The following EYS variants were observed in gnomAD, a reference collection of about 807,000 sequenced individuals.
EYS encodes protein eyes shut homolog.
In EYS, 250 loss-of-function variants were observed where a neutral mutation model predicts 282.1. The observed-to-expected ratio is 0.89, with a 90% CI of 0.80 to 0.98. EYS has a LOEUF of 0.98. EYS is among the 50% of genes least tolerant of loss of function. The probability of loss-of-function intolerance (pLI) is 0.00; values close to 1 mark genes in which losing one functional copy is unlikely to be tolerated. For synonymous variants in EYS, 1,355 were observed against 1,282.9 expected, an observed-to-expected ratio of 1.06 and a Z score of -1.20; for missense variants, 4,016 against 3,709.0, an observed-to-expected ratio of 1.08 and a Z score of -2.15.
At chr6:65,080,900 T>C (rs1774214789) in intron 12 of EYS, among the ~76,000 whole-genome samples, 2 of 152,220 alleles carry the variant, frequency 1.3e-5, no homozygotes, top group East Asian at 1.9e-4. Flanking sequence ...TTGAATTTGA[T>C]GAACAACCTG....
At chr6:65,450,915 G>T (rs374047199) in intron 5 of EYS, among the ~76,000 whole-genome samples, 1 of 151,638 alleles carries the variant, frequency 6.6e-6, no homozygotes, top group East Asian at 1.9e-4. Flanking sequence ...ACCCTTTTTT[G>T]GTATCACCCA....
intron 2 of EYS, among the ~76,000 whole-genome samples, chr6:65,568,828 T>C (rs1460835722): frequency 1.3e-5 from 2 of 152,150 alleles, no homozygotes; most frequent in Non-Finnish European, 2.9e-5. Flanking sequence ...AATGTACGTA[T>C]AAAAAACACT....
At chr6:64,547,286 C>A (rs888384403) in intron 26 of EYS, among the ~76,000 whole-genome samples, 2 of 152,120 alleles carry the variant, frequency 1.3e-5, no homozygotes, top group Non-Finnish European at 2.9e-5. Context: ...TCTGGCCCCA[C>A]CCACATCCTG....
chr6:64,456,981 T>C (rs927234017), intron 26 of EYS, among the ~76,000 whole-genome samples: 2 of 152,180 alleles, frequency 1.3e-5, no homozygotes, highest in African/African-American at 2.4e-5. Context: ...AATGTTATTA[T>C]GACCTTTTTT....
chr6:64,686,890 C>CGTGT (rs1770160050), intron 22 of EYS, among the ~76,000 whole-genome samples: 12 of 57,838 alleles, frequency 2.1e-4, no homozygotes, highest in East Asian at 9.2e-4. Context: ...TATACACACA[C>CGTGT]ATATATATGT....
At chr6:63,944,622 A>G (rs186268250) in intron 35 of EYS, among the ~76,000 whole-genome samples, 167 of 152,270 alleles carry the variant, frequency 1.1e-3, no homozygotes, top group Middle Eastern at 3.4e-3. Flanking sequence ...CAAGATTACA[A>G]TAATGACTTT....
At chr6:64,824,300 A>G (rs1050276327) in intron 19 of EYS, among the ~76,000 whole-genome samples, 1 of 151,934 alleles carries the variant, frequency 6.6e-6, no homozygotes, top group Non-Finnish European at 1.5e-5. Context: ...CTCCCACAGG[A>G]AAGGGCACAT....
At chr6:63,986,186 G>A (rs1478586949) in intron 34 of EYS, among the ~76,000 whole-genome samples, 1 of 151,704 alleles carries the variant, frequency 6.6e-6, no homozygotes, top group African/African-American at 2.4e-5. Context: ...CAATATCACT[G>A]ATCATTAGAG....
chr6:65,202,098 C>T (rs367623770), intron 12 of EYS, among the ~76,000 whole-genome samples: 15 of 151,054 alleles, frequency 9.9e-5, no homozygotes, highest in East Asian at 7.8e-4. Flanking sequence ...GGTGACAGAG[C>T]GAGACTCCAT....
At chr6:64,466,220 A>T in intron 26 of EYS, among the ~76,000 whole-genome samples, 1 of 152,262 alleles carries the variant, frequency 6.6e-6, no homozygotes, top group South Asian at 2.1e-4. Flanking sequence ...AAATAGCACT[A>T]TAATATAATC....
chr6:64,659,027 T>A (rs1768881961), intron 22 of EYS, among the ~76,000 whole-genome samples: 1 of 152,050 alleles, frequency 6.6e-6, no homozygotes, highest in Non-Finnish European at 1.5e-5. Context: ...ACAGAAATTA[T>A]AAACTGTCTT....
intron 39 of EYS, chr6:63,787,290 C>T (rs1770390506): frequency 6.6e-6 from 1 of 152,248 alleles, no homozygotes; most frequent in Admixed American, 6.5e-5. Context: ...TGTCCTTAAT[C>T]CTCTTGGCTT....
At chr6:65,474,951 G>A (rs1489202689) in intron 5 of EYS, among the ~76,000 whole-genome samples, 8 of 151,980 alleles carry the variant, frequency 5.3e-5, no homozygotes, top group Non-Finnish European at 8.8e-5. Context: ...TTGCATTTTG[G>A]CTGAGGATAA....
At chr6:64,296,548 A>ATATATG (rs1416391289) in intron 30 of EYS, among the ~76,000 whole-genome samples, 9 of 4,444 alleles carry the variant, frequency 2.0e-3, no homozygotes, top group Non-Finnish European at 3.0e-3. Flanking sequence ...CAGAATATAT[A>ATATATG]TATATATATA....
intron 29 of EYS, among the ~76,000 whole-genome samples, chr6:64,373,717 G>A (rs1476244339): frequency 6.6e-6 from 1 of 152,228 alleles, no homozygotes; most frequent in Non-Finnish European, 1.5e-5. Flanking sequence ...GGTGGGTAGA[G>A]CATCTGGGTT....
At chr6:64,959,755 T>C (rs1769850746) in intron 14 of EYS, among the ~76,000 whole-genome samples, 1 of 152,186 alleles carries the variant, frequency 6.6e-6, no homozygotes, top group Admixed American at 6.5e-5. Flanking sequence ...TGTCTCTCTA[T>C]TGTGCCAAGT....
intron 12 of EYS, among the ~76,000 whole-genome samples, chr6:65,231,784 C>A (rs897961803): frequency 6.6e-6 from 1 of 151,684 alleles, no homozygotes; most frequent in African/African-American, 2.4e-5. Flanking sequence ...TCCTTAGTTA[C>A]CGAGAAATAT....
intron 33 of EYS, among the ~76,000 whole-genome samples, chr6:64,028,982 AC>A (rs886953167): frequency 2.6e-5 from 4 of 152,174 alleles, no homozygotes; most frequent in African/African-American, 9.7e-5. Flanking sequence ...AGACATTAAA[AC>A]AGTTGAGGGG....
At chr6:65,223,615 G>T (rs1766535063) in intron 12 of EYS, among the ~76,000 whole-genome samples, 1 of 152,116 alleles carries the variant, frequency 6.6e-6, no homozygotes, top group South Asian at 2.1e-4. Context: ...TCTGAAGTTT[G>T]CCTTTATTGA....
Sources: allele counts gnomAD v4.1 joint callset (sites outside exome capture counted in the v4.1 genomes callset), GRCh38; gene constraint gnomAD v4.1.1; transcripts MANE v1.5; gene names NCBI Gene and HGNC (gene_info 2026-07-23, HGNC 2026-07-21).